Variants in GTSF1 observed in about 807,000 individuals in gnomAD.
GTSF1 encodes gametocyte-specific factor 1.
A neutral mutation model predicts 28.9 loss-of-function variants in GTSF1; 11 were observed. The observed-to-expected ratio is 0.38, with a 90% CI of 0.24 to 0.63. The LOEUF is 0.63. Among genes scored for constraint, GTSF1 ranks in the 30% least tolerant of loss-of-function variants. GTSF1 has a pLI of 0.56. For synonymous variants in GTSF1, 69 were observed against 65.6 expected, an observed-to-expected ratio of 1.05 and a Z score of -0.25; for missense variants, 146 against 201.0, an observed-to-expected ratio of 0.73 and a Z score of 1.66.
At chr12:54,467,138 TGCCCCCA>T (rs1451502073) in intron 2 of GTSF1, among the ~76,000 whole-genome samples, 9 of 152,274 alleles carry the variant, frequency 5.9e-5, no homozygotes, top group Admixed American at 3.9e-4. Flanking sequence ...CATTCCCCAC[TGCCCCCA>T]GCTCCTGGCA....
intron 1 of GTSF1, among the ~76,000 whole-genome samples, chr12:54,473,296 CTT>C (rs974021958): frequency 1.5e-4 from 23 of 152,148 alleles, no homozygotes; most frequent in African/African-American, 5.5e-4. Flanking sequence ...TCACAGTAGA[CTT>C]AATCAATGAG....
At chr12:54,468,735 G>A (rs1956555470) in intron 2 of GTSF1, 1 of 152,202 alleles carries the variant, frequency 6.6e-6, no homozygotes, top group African/African-American at 2.4e-5. Flanking sequence ...AGAAGACAGA[G>A]ATGTTCAGGA....
intron 3 of GTSF1, 168 bp downstream of exon 3, chr12:54,464,899 C>T: frequency 2.3e-6 from 1 of 442,504 alleles, no homozygotes; most frequent in Non-Finnish European, 4.1e-6. Flanking sequence ...AAAAATTTAT[C>T]CTAAGGAATG....
chr12:54,460,508 G>GT (rs755634123), intron 6 of GTSF1, 37 bp from the exon 7 acceptor site: 6 of 1,420,166 alleles, frequency 4.2e-6, no homozygotes, highest in Non-Finnish European at 6.0e-6. Context: ...CGGCAGATCA[G>GT]TATCATTCAA....
At chr12:54,458,486 C>T (rs1342193244) in intron 8 of GTSF1, among the ~76,000 whole-genome samples, 1 of 152,230 alleles carries the variant, frequency 6.6e-6, no homozygotes, top group Non-Finnish European at 1.5e-5. Flanking sequence ...ATTCTCCTGC[C>T]TCAGCCTCCC....
intron 2 of GTSF1, among the ~76,000 whole-genome samples, chr12:54,465,607 G>A (rs968327302): frequency 3.3e-5 from 5 of 152,024 alleles, no homozygotes; most frequent in Non-Finnish European, 7.4e-5. Flanking sequence ...ACTAGTTCAA[G>A]TCATCCCCTA....
At chr12:54,472,859 G>C (rs1174404492) in intron 1 of GTSF1, among the ~76,000 whole-genome samples, 1 of 152,060 alleles carries the variant, frequency 6.6e-6, no homozygotes, top group Non-Finnish European at 1.5e-5. Context: ...AATCCCCACC[G>C]TCTTTTTGTA....
intron 2 of GTSF1, chr12:54,467,105 A>G (rs1956528636): frequency 6.6e-6 from 1 of 152,190 alleles, no homozygotes; most frequent in Admixed American, 6.5e-5. Context: ...CTGAAACTCT[A>G]TACCCATTAA....
At chr12:54,459,448 C>T in intron 7 of GTSF1, 1 of 1,333,852 alleles carries the variant, frequency 7.5e-7, no homozygotes, top group South Asian at 1.2e-5. Flanking sequence ...TCAAGAGAAT[C>T]TGAATCTAGG....
chr12:54,462,588 G>T, intron 5 of GTSF1, 54 bp downstream of exon 5: 1 of 1,418,382 alleles, frequency 7.1e-7, no homozygotes, highest in Non-Finnish European at 9.9e-7. Context: ...TCTGTCTTAA[G>T]CAAATGACTT....
intron 3 of GTSF1, 143 bp from the exon 4 acceptor site, chr12:54,463,440 A>T: frequency 1.5e-6 from 1 of 659,116 alleles, no homozygotes; most frequent in Non-Finnish European, 2.6e-6. Context: ...AACTCAGAGT[A>T]AAAAACTAAG....
chr12:54,459,519 A>G, intron 7 of GTSF1: 5 of 1,131,276 alleles, frequency 4.4e-6, no homozygotes, highest in Non-Finnish European at 4.7e-6. Context: ...GGTGTTCTCT[A>G]TGTGGAAATT....
chr12:54,472,231 T>C (rs1420205017), intron 1 of GTSF1: 1 of 152,204 alleles, frequency 6.6e-6, no homozygotes, highest in Non-Finnish European at 1.5e-5. Context: ...TTGGAAACAC[T>C]AGTTCACCAT....
chr12:54,466,205 G>A (rs1031859254), intron 2 of GTSF1, among the ~76,000 whole-genome samples: 6 of 152,192 alleles, frequency 3.9e-5, no homozygotes, highest in East Asian at 1.9e-4. Flanking sequence ...GCACATTCTG[G>A]TATATTATGA....
At chr12:54,458,317 T>A (rs1956367708) in intron 8 of GTSF1, among the ~76,000 whole-genome samples, 1 of 152,224 alleles carries the variant, frequency 6.6e-6, no homozygotes, top group Non-Finnish European at 1.5e-5. Flanking sequence ...CTAAATCAAA[T>A]ACTCAGATAA....
rs1394704111 is a variant in GTSF1, at chr12:54,455,969, A to G, written c.*205T>C. The stretch of plus-strand genomic sequence containing the variant: ...CCAAACTATTAAGCAATCTGTATCA[A>G]AGGTTTATTTGGAAGCTTCTGAGTA... On this transcript the variant is annotated 3_prime_UTR_variant, in exon 9 of 9. Coordinates refer to ENST00000305879, the MANE Select transcript of GTSF1 (RefSeq NM_144594.3). 6.6e-6 allele frequency: 1 copy of G among 152,614 alleles called. No individual in the cohort carries two copies. The highest frequency in any genetic ancestry group is 1.5e-5 in the Non-Finnish European group (1 of 68,048). 9.5% of individuals were successfully genotyped at this position (152,614 alleles called of 1,614,324 possible). A position where few individuals can be genotyped will look rare whatever the true frequency, so the allele number is the denominator to read the frequency against.
chr12:54,467,968 C>A (rs1386332086), intron 2 of GTSF1, among the ~76,000 whole-genome samples: 1 of 148,516 alleles, frequency 6.7e-6, no homozygotes, highest in Non-Finnish European at 1.5e-5. Flanking sequence ...TAGAGACTGG[C>A]CAGGCTGGTC....
chr12:54,462,011 G>A lies in GTSF1; in HGVS notation c.392+98C>T, dbSNP rs568645118. ...GACTAAACTACCATCAAGGAACATC[G>A]TTAAAGAAAGTGGTCAATTCATGCT... On this transcript the variant is annotated intron_variant, in intron 6 of 8. Coordinates refer to ENST00000305879, the MANE Select transcript of GTSF1 (RefSeq NM_144594.3). 24 of 813,660 alleles carry A rather than the reference G, an allele frequency of 2.9e-5. 1 individual carries two copies. The highest frequency in any genetic ancestry group is 4.4e-5 in the Non-Finnish European group (21 of 481,064). The allele number at this position is 813,660 out of a possible 1,614,324, so 50.4% of individuals were successfully genotyped here.
At chr12:54,462,586 A>T in intron 5 of GTSF1, 56 bp downstream of exon 5, 2 of 1,415,344 alleles carry the variant, frequency 1.4e-6, no homozygotes, top group Non-Finnish European at 9.9e-7. Context: ...CTTCTGTCTT[A>T]AGCAAATGAC....
Sources: allele counts gnomAD v4.1 joint callset (sites outside exome capture counted in the v4.1 genomes callset), GRCh38; gene constraint gnomAD v4.1.1; transcripts MANE v1.5; gene names NCBI Gene and HGNC (gene_info 2026-07-23, HGNC 2026-07-21).